CACHD1: variants seen among roughly 807,000 people sequenced by gnomAD.
CACHD1 encodes the protein cache domain containing 1, also known as VWFA and cache domain-containing protein 1.
CACHD1 carries 71 observed loss-of-function variants against 138.7 expected under a neutral mutation model. The ratio of observed to expected loss-of-function variants is 0.51; its 90% CI spans 0.42 to 0.62. CACHD1 has a LOEUF of 0.62. Among genes scored for constraint, CACHD1 ranks in the 20% least tolerant of loss-of-function variants. CACHD1 has a pLI of 0.00. For synonymous variants in CACHD1, 578 were observed against 591.5 expected, an observed-to-expected ratio of 0.98 and a Z score of 0.33; for missense variants, 1,389 against 1,625.3, an observed-to-expected ratio of 0.85 and a Z score of 2.50.
At chr1:64,577,521 A>T (rs1485000951) in intron 2 of CACHD1, among the ~76,000 whole-genome samples, 2 of 152,158 alleles carry the variant, frequency 1.3e-5, no homozygotes, top group African/African-American at 4.8e-5. Context: ...TTGGGCTCTG[A>T]AGTCAGAATA....
At chr1:64,612,801 A>G (rs1647580124) in intron 4 of CACHD1, among the ~76,000 whole-genome samples, 1 of 152,236 alleles carries the variant, frequency 6.6e-6, no homozygotes, top group Non-Finnish European at 1.5e-5. Flanking sequence ...CATGCCTGCT[A>G]GTACAGTGTC....
Position 64,691,563 on chromosome 1 carries a change from A to C in CACHD1, c.*2A>C, listed in dbSNP as rs200584684. On this transcript the variant is annotated 3_prime_UTR_variant, in exon 27 of 27. Coordinates refer to ENST00000651257, the MANE Select transcript of CACHD1 (RefSeq NM_020925.4). ...CACACTGTCGATGCAGAATGCTAACAATCTCCTCACCTCCACGCCAAGATG... is the reference window on the plus strand; with the variant it reads ...CACACTGTCGATGCAGAATGCTAACCATCTCCTCACCTCCACGCCAAGATG... The C allele has an allele frequency of 2.9e-5, 46 of 1,610,980 alleles. No homozygotes were observed. Among genetic ancestry groups the C allele is most frequent in the Admixed American group, 2.8e-4 (17 of 59,962 alleles).
intron 3 of CACHD1, among the ~76,000 whole-genome samples, chr1:64,596,523 G>A (rs1431418182): frequency 2.6e-5 from 4 of 152,144 alleles, no homozygotes; most frequent in Non-Finnish European, 5.9e-5. Flanking sequence ...TGCAGCTACT[G>A]GTGAAGGGTT....
intron 8 of CACHD1, among the ~76,000 whole-genome samples, chr1:64,644,642 A>T (rs767770457): frequency 6.6e-6 from 1 of 152,150 alleles, no homozygotes; most frequent in Non-Finnish European, 1.5e-5. Flanking sequence ...TTCTTCCTTT[A>T]ATCTAACCAG....
intron 1 of CACHD1, among the ~76,000 whole-genome samples, chr1:64,487,926 A>C (rs2100290433): frequency 6.6e-6 from 1 of 152,346 alleles, no homozygotes; most frequent in East Asian, 1.9e-4. Context: ...CAGCTTCAAA[A>C]TATAATATGT....
intron 1 of CACHD1, among the ~76,000 whole-genome samples, chr1:64,510,195 G>A (rs750785906): frequency 6.6e-5 from 10 of 152,254 alleles, no homozygotes; most frequent in South Asian, 2.1e-4. Context: ...TCACAAAAAA[G>A]GGATGCGGAG....
chr1:64,514,161 C>T (rs1447082311), intron 1 of CACHD1, among the ~76,000 whole-genome samples: 1 of 152,166 alleles, frequency 6.6e-6, no homozygotes, highest in East Asian at 1.9e-4. Flanking sequence ...AAGTGTTGCT[C>T]TAAGTAAAAT....
chr1:64,513,976 G>T (rs766759726), intron 1 of CACHD1, among the ~76,000 whole-genome samples: 1 of 152,166 alleles, frequency 6.6e-6, no homozygotes, highest in Non-Finnish European at 1.5e-5. Context: ...GCCAGTTTGC[G>T]GTTTCTGTTC....
intron 3 of CACHD1, among the ~76,000 whole-genome samples, chr1:64,600,801 T>C (rs935910702): frequency 2.0e-5 from 3 of 152,216 alleles, no homozygotes; most frequent in Non-Finnish European, 4.4e-5. Flanking sequence ...GATAGGCCTT[T>C]CTGAAGAAGG....
intron 19 of CACHD1, 55 bp downstream of exon 19, chr1:64,673,519 GA>G: frequency 7.4e-7 from 1 of 1,347,302 alleles, no homozygotes; most frequent in Non-Finnish European, 1.1e-6. Flanking sequence ...TATGGAACAT[GA>G]ATTGGAATCA....
chr1:64,588,818 G>A (rs1489421561), intron 3 of CACHD1, among the ~76,000 whole-genome samples: 2 of 152,136 alleles, frequency 1.3e-5, no homozygotes, highest in Non-Finnish European at 2.9e-5. Flanking sequence ...GGGGGCAAAG[G>A]GGAGCATAAG....
chr1:64,477,650 C>G (rs1176930379), intron 1 of CACHD1, among the ~76,000 whole-genome samples: 1 of 139,024 alleles, frequency 7.2e-6, no homozygotes, highest in Non-Finnish European at 1.5e-5. Context: ...TTTTTTGAGA[C>G]GGAGTCTCGC....
At chr1:64,543,145 A>G (rs938093605) in intron 1 of CACHD1, among the ~76,000 whole-genome samples, 6 of 151,918 alleles carry the variant, frequency 3.9e-5, no homozygotes, top group Non-Finnish European at 8.8e-5. Context: ...TTGGTTTCCT[A>G]TTGTTGGATA....
intron 4 of CACHD1, among the ~76,000 whole-genome samples, chr1:64,623,563 A>T (rs1430522451): frequency 6.6e-6 from 1 of 152,180 alleles, no homozygotes; most frequent in Non-Finnish European, 1.5e-5. Flanking sequence ...CTGCTTTAGG[A>T]TACAGAGATG....
chr1:64,681,554 T>TTTTTTTG (rs1253390881), intron 25 of CACHD1, among the ~76,000 whole-genome samples: 1 of 147,978 alleles, frequency 6.8e-6, no homozygotes, highest in East Asian at 2.0e-4. Flanking sequence ...TTTTTTTTTT[T>TTTTTTTG]TTTTTTTTTT....
At chr1:64,599,315 A>G (rs1647191717) in intron 3 of CACHD1, among the ~76,000 whole-genome samples, 1 of 152,244 alleles carries the variant, frequency 6.6e-6, no homozygotes. Context: ...TTTGATTACA[A>G]AATAAGAAAA....
intron 1 of CACHD1, among the ~76,000 whole-genome samples, chr1:64,530,940 T>TG (rs1438426362): frequency 2.0e-5 from 3 of 149,312 alleles, no homozygotes; most frequent in East Asian, 1.9e-4. Flanking sequence ...TTTGTTTTTT[T>TG]TTTTTTTAGA....
chr1:64,585,452 C>A (rs1647044483), intron 3 of CACHD1, among the ~76,000 whole-genome samples: 1 of 152,182 alleles, frequency 6.6e-6, no homozygotes, highest in South Asian at 2.1e-4. Flanking sequence ...GAGACCTTAA[C>A]TGTACCCCTA....
chr1:64,488,030 G>A (rs1195821492), intron 1 of CACHD1, among the ~76,000 whole-genome samples: 1 of 152,114 alleles, frequency 6.6e-6, no homozygotes, highest in Non-Finnish European at 1.5e-5. Flanking sequence ...ATCTCTGTTT[G>A]TCCATCTCTA....
Sources: allele counts gnomAD v4.1 joint callset (sites outside exome capture counted in the v4.1 genomes callset), GRCh38; gene constraint gnomAD v4.1.1; transcripts MANE v1.5; gene names NCBI Gene and HGNC (gene_info 2026-07-23, HGNC 2026-07-21).